TLL2: variants seen among roughly 807,000 people sequenced by gnomAD.
TLL2 encodes the protein tolloid-like protein 2.
A neutral mutation model predicts 123.0 loss-of-function variants in TLL2; 106 were observed. The observed-to-expected ratio is 0.86, with a 90% CI of 0.74 to 1.01. TLL2 has a LOEUF of 1.01. Among genes scored for constraint, TLL2 ranks in the 50% least tolerant of loss-of-function variants. TLL2 has a pLI of 0.00. For missense variants in TLL2, 1,332 were observed against 1,336.7 expected (o/e 1.00, Z 0.06); for synonymous variants, 494 against 516.8 (o/e 0.96, Z 0.60).
intron 8 of TLL2, among the ~76,000 whole-genome samples, chr10:96,411,893 C>T (rs1846510798): frequency 6.6e-6 from 1 of 152,154 alleles, no homozygotes; most frequent in Admixed American, 6.5e-5. Flanking sequence ...TGAACAACTG[C>T]CAGGCATCAT....
intron 6 of TLL2, among the ~76,000 whole-genome samples, chr10:96,422,274 T>C (rs1274517761): frequency 6.6e-6 from 1 of 152,050 alleles, no homozygotes; most frequent in East Asian, 1.9e-4. Context: ...CTGTGTTCCT[T>C]TCAGGAAATG....
intron 1 of TLL2, among the ~76,000 whole-genome samples, chr10:96,488,852 G>T (rs539054748): frequency 2.0e-5 from 3 of 152,186 alleles, no homozygotes; most frequent in Non-Finnish European, 4.4e-5. Context: ...AGCCAAGGAT[G>T]GAAACCCCTG....
chr10:96,482,270 A>C (rs887885617), intron 1 of TLL2, among the ~76,000 whole-genome samples: 1 of 152,074 alleles, frequency 6.6e-6, no homozygotes, highest in Admixed American at 6.5e-5. Context: ...AAAAAAAAAA[A>C]ACGAAAAAAC....
chr10:96,495,640 C>T (rs996399669), intron 1 of TLL2, among the ~76,000 whole-genome samples: 18 of 152,082 alleles, frequency 1.2e-4, no homozygotes, highest in African/African-American at 3.9e-4. Flanking sequence ...AAACCATGAC[C>T]CTAAATTTCA....
At chr10:96,405,201 C>G (rs1846437750) in intron 10 of TLL2, 31 bp downstream of exon 10, 1 of 1,594,310 alleles carries the variant, frequency 6.3e-7, no homozygotes, top group Non-Finnish European at 8.6e-7. Flanking sequence ...TCCCATCACT[C>G]CTCTCTTAAC....
At chr10:96,373,554 C>T (rs760590488) in intron 19 of TLL2, 42 bp downstream of exon 19, 1 of 1,582,318 alleles carries the variant, frequency 6.3e-7, no homozygotes, top group South Asian at 1.1e-5. Flanking sequence ...GTCTCCTGTC[C>T]AAGTGCTCAT....
chr10:96,454,177 C>T (rs1027988777), intron 2 of TLL2, among the ~76,000 whole-genome samples: 7 of 152,138 alleles, frequency 4.6e-5, no homozygotes, highest in Admixed American at 1.3e-4. Flanking sequence ...TCCGAGTCCT[C>T]ACCTTGGCAA....
intron 2 of TLL2, among the ~76,000 whole-genome samples, chr10:96,461,702 A>C (rs1847083262): frequency 6.6e-6 from 1 of 152,198 alleles, no homozygotes; most frequent in Non-Finnish European, 1.5e-5. Flanking sequence ...TCTTCCATGA[A>C]GCCATCTCTG....
intron 1 of TLL2, among the ~76,000 whole-genome samples, chr10:96,486,746 AATGCCCCTG>A (rs918356392): frequency 1.3e-5 from 2 of 152,210 alleles, no homozygotes; most frequent in Non-Finnish European, 2.9e-5. Flanking sequence ...TGGGAAGTCC[AATGCCCCTG>A]CACACCACAG....
intron 9 of TLL2, among the ~76,000 whole-genome samples, chr10:96,406,692 A>G (rs1439269655): frequency 1.3e-5 from 2 of 151,942 alleles, no homozygotes; most frequent in African/African-American, 4.8e-5. Context: ...GGTTTTCACC[A>G]CACTGGCCTA....
chr10:96,420,867 G>T, intron 7 of TLL2, 89 bp downstream of exon 7: 3 of 1,118,470 alleles, frequency 2.7e-6, no homozygotes, highest in Non-Finnish European at 4.1e-6. Context: ...AGCATGCAGA[G>T]ACCCACTCTC....
At chr10:96,424,340 T>A (rs1478556790) in intron 5 of TLL2, among the ~76,000 whole-genome samples, 1 of 152,200 alleles carries the variant, frequency 6.6e-6, no homozygotes, top group Non-Finnish European at 1.5e-5. Flanking sequence ...AGACAAAGGA[T>A]AAATGCTTGA....
chr10:96,484,078 A>G (rs1847336046), intron 1 of TLL2, among the ~76,000 whole-genome samples: 1 of 152,170 alleles, frequency 6.6e-6, no homozygotes, highest in Non-Finnish European at 1.5e-5. Context: ...TCCTGACCTC[A>G]AGTCATCCTC....
intron 1 of TLL2, among the ~76,000 whole-genome samples, chr10:96,492,135 G>A (rs952184412): frequency 2.0e-5 from 3 of 151,826 alleles, no homozygotes; most frequent in African/African-American, 7.3e-5. Context: ...CCTGGGACCA[G>A]GCCGAATGCC....
intron 1 of TLL2, among the ~76,000 whole-genome samples, chr10:96,495,432 A>G (rs190101297): frequency 5.3e-5 from 8 of 152,300 alleles, no homozygotes; most frequent in Admixed American, 1.3e-4. Context: ...TAAAGTGTGC[A>G]ACTAAATAAG....
chr10:96,451,918 A>G (rs1014406750), intron 2 of TLL2, among the ~76,000 whole-genome samples: 1 of 152,232 alleles, frequency 6.6e-6, no homozygotes, highest in Non-Finnish European at 1.5e-5. Context: ...TTAATACTGT[A>G]TTTACAGCTT....
At chr10:96,430,284 C>T (rs1473627095) in intron 4 of TLL2, among the ~76,000 whole-genome samples, 1 of 152,138 alleles carries the variant, frequency 6.6e-6, no homozygotes, top group Non-Finnish European at 1.5e-5. Flanking sequence ...GGTACCTACC[C>T]CACCTCTCTC....
At chr10:96,452,902 G>A (rs1237165410) in intron 2 of TLL2, among the ~76,000 whole-genome samples, 3 of 152,198 alleles carry the variant, frequency 2.0e-5, no homozygotes, top group South Asian at 2.1e-4. Context: ...CAAGGCAATC[G>A]CTACAGCACT....
intron 1 of TLL2, among the ~76,000 whole-genome samples, chr10:96,508,220 C>G (rs924696730): frequency 5.3e-5 from 8 of 152,184 alleles, no homozygotes; most frequent in South Asian, 4.1e-4. Context: ...ACAATCTTCC[C>G]AATGCCACTC....
Sources: allele counts gnomAD v4.1 joint callset (sites outside exome capture counted in the v4.1 genomes callset), GRCh38; gene constraint gnomAD v4.1.1; transcripts MANE v1.5; gene names NCBI Gene and HGNC (gene_info 2026-07-23, HGNC 2026-07-21).